The following SPIDR variants were observed in gnomAD, a reference collection of about 807,000 sequenced individuals.
The protein encoded by SPIDR is scaffold protein involved in DNA repair.
SPIDR carries 93 observed loss-of-function variants against 104.6 expected under a neutral mutation model. That is an observed-to-expected ratio of 0.89 (90% CI 0.75 to 1.06). The LOEUF (loss-of-function observed/expected upper bound fraction) is 1.06, where lower values mean the gene tolerates loss of function less well. Ranked by LOEUF, SPIDR falls within the 50% of genes least tolerant of loss-of-function variation. SPIDR has a pLI of 0.00. For synonymous variants in SPIDR, 431 were observed against 416.9 expected, an observed-to-expected ratio of 1.03 and a Z score of -0.41; for missense variants, 1,154 against 1,111.2, an observed-to-expected ratio of 1.04 and a Z score of -0.55.
At chr8:47,644,398 G>A (rs1042440653) in intron 10 of SPIDR, among the ~76,000 whole-genome samples, 1 of 152,220 alleles carries the variant, frequency 6.6e-6, no homozygotes, top group Non-Finnish European at 1.5e-5. Flanking sequence ...CACATTCTGT[G>A]ATGATGACGT....
At chr8:47,703,553 C>T (rs2080635495) in intron 14 of SPIDR, among the ~76,000 whole-genome samples, 1 of 152,172 alleles carries the variant, frequency 6.6e-6, no homozygotes, top group Non-Finnish European at 1.5e-5. Context: ...GCAAAAGCAG[C>T]CATGTTGTCA....
intron 8 of SPIDR, among the ~76,000 whole-genome samples, chr8:47,469,191 T>A (rs1398014476): frequency 1.3e-5 from 2 of 152,040 alleles, no homozygotes; most frequent in Admixed American, 1.3e-4. Context: ...GTCAAAAAAA[T>A]AACAGCTGCT....
intron 8 of SPIDR, among the ~76,000 whole-genome samples, chr8:47,452,672 T>C (rs1023572993): frequency 6.6e-6 from 1 of 152,196 alleles, no homozygotes; most frequent in East Asian, 1.9e-4. Context: ...ACCTTCATGC[T>C]AAAAACTCTC....
intron 5 of SPIDR, among the ~76,000 whole-genome samples, chr8:47,299,803 A>T (rs1413823661): frequency 6.6e-6 from 1 of 152,172 alleles, no homozygotes; most frequent in South Asian, 2.1e-4. Context: ...GATGAAGCCC[A>T]CTTGATCATG....
rs1443445243 is a variant in SPIDR at position 47,331,908 on chromosome 8, C to T, written c.525+37878C>T. On this transcript the variant is annotated intron_variant, in intron 5 of 19. Transcript: ENST00000297423. ...TGTTGTCCAGGCTGGAGTGCAGTGGCGTGATCTCAGCTTATATATTCTGTC... is the reference window on the plus strand; with the variant it reads ...TGTTGTCCAGGCTGGAGTGCAGTGGTGTGATCTCAGCTTATATATTCTGTC... 3.0e-5 allele frequency among the ~76,000 whole-genome samples: 4 copies of T among 133,922 alleles called. No individual in the cohort carries two copies. In the South Asian group the frequency reaches 7.4e-4, roughly 25 times the overall value. The allele number at this position is 133,922 out of a possible 152,430, so 87.9% of individuals were successfully genotyped here. A position where few individuals can be genotyped will look rare whatever the true frequency, so the allele number is the denominator to read the frequency against.
chr8:47,416,596 G>A (rs144456614), intron 7 of SPIDR, among the ~76,000 whole-genome samples: 7 of 151,974 alleles, frequency 4.6e-5, no homozygotes, highest in African/African-American at 1.7e-4. Flanking sequence ...CATTAAAAAA[G>A]GCATAAGAAT....
chr8:47,337,321 A>G (rs1363231474), intron 5 of SPIDR, among the ~76,000 whole-genome samples: 2 of 151,998 alleles, frequency 1.3e-5, no homozygotes, highest in East Asian at 3.9e-4. Flanking sequence ...TGTAGAGACA[A>G]GGTTCTGCTG....
intron 7 of SPIDR, among the ~76,000 whole-genome samples, chr8:47,424,451 C>G (rs2154336388): frequency 6.6e-6 from 1 of 152,194 alleles, no homozygotes; most frequent in East Asian, 1.9e-4. Context: ...ACTACAGTCA[C>G]ATGCCACCAC....
In SPIDR at chr8:47,440,551, G is replaced by A. The variant is rs202030595; in HGVS notation, c.1097+9G>A. 9.2e-5 allele frequency: 148 copies of A among 1,606,736 alleles called. No individual in the cohort carries two copies. In the East Asian group the frequency reaches 1.5e-3, roughly 16 times the overall value. On this transcript the variant is annotated intron_variant, in intron 8 of 19. Transcript: ENST00000297423. ...CGGATCTTCCCTCCCTGGTGAGTGCGCAGAACTTAATCCAGCAGTCACCAA... is the reference window on the plus strand; with the variant it reads ...CGGATCTTCCCTCCCTGGTGAGTGCACAGAACTTAATCCAGCAGTCACCAA...
At chr8:47,613,163 C>A (rs557357287) in intron 10 of SPIDR, among the ~76,000 whole-genome samples, 4 of 152,298 alleles carry the variant, frequency 2.6e-5, no homozygotes, top group African/African-American at 9.6e-5. Context: ...CTAACCCCTT[C>A]CCCAGCCCAT....
chr8:47,584,619 A>G (rs954123636), intron 8 of SPIDR, among the ~76,000 whole-genome samples: 18 of 152,212 alleles, frequency 1.2e-4, no homozygotes, highest in Non-Finnish European at 2.4e-4. Flanking sequence ...TAATATTGGT[A>G]TGTTTATCTG....
chr8:47,310,944 C>T (rs782277253), intron 5 of SPIDR, among the ~76,000 whole-genome samples: 1 of 152,068 alleles, frequency 6.6e-6, no homozygotes, highest in Admixed American at 6.6e-5. Context: ...AGTAGACACA[C>T]ACATACACAA....
At chr8:47,719,714 C>A (rs528993506) in intron 16 of SPIDR, among the ~76,000 whole-genome samples, 37 of 152,030 alleles carry the variant, frequency 2.4e-4, no homozygotes, top group Non-Finnish European at 4.6e-4. Context: ...GCCAGAGTCT[C>A]AATGCTCCTC....
intron 11 of SPIDR, among the ~76,000 whole-genome samples, chr8:47,692,237 T>C (rs2078752768): frequency 6.6e-6 from 1 of 152,170 alleles, no homozygotes; most frequent in Non-Finnish European, 1.5e-5. Context: ...TTTATTTTAC[T>C]CACAAAGTTG....
intron 8 of SPIDR, among the ~76,000 whole-genome samples, chr8:47,456,178 T>C (rs952212345): frequency 6.6e-6 from 1 of 152,156 alleles, no homozygotes; most frequent in African/African-American, 2.4e-5. Context: ...TCAGGCTATA[T>C]GGAGATAGAG....
At chr8:47,491,757 G>C (rs1465452952) in intron 8 of SPIDR, among the ~76,000 whole-genome samples, 1 of 152,120 alleles carries the variant, frequency 6.6e-6, no homozygotes, top group East Asian at 1.9e-4. Context: ...GGCTGAGGCA[G>C]GAAGATAGTT....
At position 47,512,043 on chromosome 8, in the gene SPIDR, C is replaced by T. The variant is rs186148594; in HGVS notation, c.1097+71501C>T. 8.3e-4 allele frequency: 579 copies of T among 699,828 alleles called. 2 individuals carry two copies. In the African/African-American group the frequency reaches 9.5e-3, roughly 11 times the overall value. The allele number at this position is 699,828 out of a possible 1,614,324, so 43.4% of individuals were successfully genotyped here. A position where few individuals can be genotyped will look rare whatever the true frequency, so the allele number is the denominator to read the frequency against. Reference sequence around the variant, plus strand: ...CATAAAAGCTCGCTAGCGCAATCTGCAAGTCCCAGGTAGCCGACTCGAGGA... The same window carrying T: ...CATAAAAGCTCGCTAGCGCAATCTGTAAGTCCCAGGTAGCCGACTCGAGGA... On this transcript the variant is annotated intron_variant, in intron 8 of 19. Transcript: ENST00000297423.
At chr8:47,630,821 G>T (rs554577304) in intron 10 of SPIDR, among the ~76,000 whole-genome samples, 1 of 152,128 alleles carries the variant, frequency 6.6e-6, no homozygotes, top group African/African-American at 2.4e-5. Context: ...TGGCTGATCC[G>T]ACGTTCCTGG....
At chr8:47,409,597 C>G (rs531277873) in intron 7 of SPIDR, among the ~76,000 whole-genome samples, 1 of 152,314 alleles carries the variant, frequency 6.6e-6, no homozygotes, top group East Asian at 1.9e-4. Flanking sequence ...ATTTAAGAAA[C>G]ATTATTCTTA....
Sources: allele counts gnomAD v4.1 joint callset (sites outside exome capture counted in the v4.1 genomes callset), GRCh38; gene constraint gnomAD v4.1.1; transcripts MANE v1.5; gene names NCBI Gene and HGNC (gene_info 2026-07-23, HGNC 2026-07-21).